Variants in CD247 observed in about 807,000 individuals in gnomAD.
The protein encoded by CD247 is T-cell surface glycoprotein CD3 zeta chain.
CD247 carries 13 observed loss-of-function variants against 30.0 expected under a neutral mutation model. The ratio of observed to expected loss-of-function variants is 0.43; its 90% CI spans 0.28 to 0.69. The LOEUF (loss-of-function observed/expected upper bound fraction) is 0.69. Ranked by LOEUF, CD247 falls within the 30% of genes least tolerant of loss-of-function variation. CD247 has a pLI of 0.16. For missense variants in CD247, 193 were observed against 212.6 expected, an observed-to-expected ratio of 0.91 and a Z score of 0.57; for synonymous variants, 72 against 80.0, an observed-to-expected ratio of 0.90 and a Z score of 0.53.
intron 1 of CD247, among the ~76,000 whole-genome samples, chr1:167,467,471 C>A (rs1653307854): frequency 6.6e-6 from 1 of 152,196 alleles, no homozygotes; most frequent in African/African-American, 2.4e-5. Flanking sequence ...TACTTTCCAG[C>A]CTGCTTCTTT....
At chr1:167,439,711 GC>G in intron 2 of CD247, 1 of 425,732 alleles carries the variant, frequency 2.3e-6, no homozygotes. Flanking sequence ...CTTGGTCTGC[GC>G]CCCCGGGGAC....
intron 1 of CD247, among the ~76,000 whole-genome samples, chr1:167,498,065 T>C (rs996298614): frequency 6.6e-6 from 1 of 152,182 alleles, no homozygotes; most frequent in Non-Finnish European, 1.5e-5. Context: ...AGCTTGATCT[T>C]GGGGACCCTG....
At chr1:167,508,421 C>G (rs61806166) in intron 1 of CD247, among the ~76,000 whole-genome samples, 3,354 of 152,154 alleles carry the variant, frequency 0.022, 60 homozygotes, top group Non-Finnish European at 0.035. Flanking sequence ...GATGGGTGAG[C>G]GATGGTGGAT....
chr1:167,453,209 T>A (rs778057024), intron 1 of CD247, among the ~76,000 whole-genome samples: 7 of 152,126 alleles, frequency 4.6e-5, no homozygotes, highest in Admixed American at 6.5e-5. Flanking sequence ...TTTATATTTT[T>A]TATTTCATTT....
In CD247 at chr1:167,430,903, A is replaced by T; in HGVS notation, c.*778T>A. 1 of 398,846 alleles carries T rather than the reference A, an allele frequency of 2.5e-6. No individual in the cohort carries two copies. Among genetic ancestry groups the T allele is most frequent in the Non-Finnish European group, 4.4e-6 (1 of 226,222 alleles). 24.7% of individuals were successfully genotyped at this position (398,846 alleles called of 1,614,324 possible). On this transcript the variant is annotated 3_prime_UTR_variant, in exon 8 of 8. Coordinates refer to ENST00000362089, the MANE Select transcript of CD247 (RefSeq NM_198053.3). Reference sequence around the variant, plus strand: ...GTCATTCGCTGAAAGCGTGAAGTGAATCAACGGCCTCCTCTTGCTCCGCAG... The same window carrying T: ...GTCATTCGCTGAAAGCGTGAAGTGATTCAACGGCCTCCTCTTGCTCCGCAG...
chr1:167,516,053 C>A (rs2102127407), intron 1 of CD247, among the ~76,000 whole-genome samples: 1 of 152,328 alleles, frequency 6.6e-6, no homozygotes, highest in South Asian at 2.1e-4. Context: ...ACTGGGACAC[C>A]ACCTGAAATT....
intron 1 of CD247, among the ~76,000 whole-genome samples, chr1:167,448,735 C>G (rs1244006330): frequency 6.6e-6 from 1 of 152,154 alleles, no homozygotes; most frequent in Non-Finnish European, 1.5e-5. Context: ...GTGGCGGGCG[C>G]CTGTAATACC....
chr1:167,450,738 C>A (rs1343379234), intron 1 of CD247, among the ~76,000 whole-genome samples: 1 of 151,774 alleles, frequency 6.6e-6, no homozygotes, highest in African/African-American at 2.4e-5. Flanking sequence ...TATGGTAAAA[C>A]CCCATCTCTA....
intron 1 of CD247, among the ~76,000 whole-genome samples, chr1:167,468,950 A>G (rs1011520103): frequency 1.3e-5 from 2 of 151,680 alleles, no homozygotes; most frequent in Admixed American, 6.6e-5. Flanking sequence ...AGAAGAGCAA[A>G]CTGCAATAAA....
rs150979992 is a variant in CD247 at position 167,443,824 on chromosome 1, A to G, written c.59-3057T>C. On this transcript the variant is annotated intron_variant, in intron 1 of 7. Coordinates refer to ENST00000362089, the MANE Select transcript of CD247 (RefSeq NM_198053.3). ...GGTGGAGGAGAGGATATTAACCCCA[A>G]CATAATTCCCTGTGTAGGACCCTCC... Among the ~76,000 whole-genome samples, 19 of 152,218 alleles carry G rather than the reference A, an allele frequency of 1.2e-4. No homozygotes were observed. In the East Asian group the frequency reaches 3.1e-3, roughly 25 times the overall value.
Position 167,481,865 on chromosome 1 carries a change from C to T in CD247, c.58+36543G>A, listed in dbSNP as rs150260853. Among the ~76,000 whole-genome samples the T allele has an allele frequency of 3.2e-3, 481 of 152,216 alleles. 4 individuals are homozygous for T. Among genetic ancestry groups the T allele is most frequent in the Non-Finnish European group, 3.9e-3 (265 of 68,004 alleles). On this transcript the variant is annotated intron_variant, in intron 1 of 7. Coordinates refer to ENST00000362089, the MANE Select transcript of CD247 (RefSeq NM_198053.3). ...CATTTCAAAGGGGACACACTGAGGC[C>T]CAGGGCAGGCAGCGATGGAACCCAA...
intron 1 of CD247, among the ~76,000 whole-genome samples, chr1:167,452,794 C>T (rs1015790409): frequency 4.0e-5 from 6 of 151,844 alleles, no homozygotes; most frequent in South Asian, 2.1e-4. Flanking sequence ...CAGTTCCCTC[C>T]GCTCATTCCA....
intron 1 of CD247, among the ~76,000 whole-genome samples, chr1:167,490,478 C>T (rs1271918531): frequency 2.0e-5 from 3 of 152,038 alleles, no homozygotes; most frequent in Non-Finnish European, 2.9e-5. Context: ...CAAAAATTAG[C>T]TGGGCTTGGT....
intron 1 of CD247, among the ~76,000 whole-genome samples, chr1:167,474,368 C>T (rs530278413): frequency 3.3e-5 from 5 of 151,854 alleles, no homozygotes; most frequent in South Asian, 4.2e-4. Flanking sequence ...GGGAGGGTAG[C>T]GGTAGTGGGG....
rs1651268987 is a variant in CD247 at position 167,431,619 on chromosome 1, C to T, written c.*62G>A. ...GTGAACCGGGTTGTAAATGCTTCAT[C>T]CTGTGTCTCATAATCTGGGCGTCTG... On this transcript the variant is annotated 3_prime_UTR_variant, in exon 8 of 8. Coordinates refer to ENST00000362089, the MANE Select transcript of CD247 (RefSeq NM_198053.3). 7.5e-7 allele frequency: 1 copy of T among 1,329,506 alleles called. No homozygotes were observed. 82.4% of individuals were successfully genotyped at this position (1,329,506 alleles called of 1,614,324 possible).
At chr1:167,486,822 C>T (rs201637292) in intron 1 of CD247, among the ~76,000 whole-genome samples, 2 of 152,292 alleles carry the variant, frequency 1.3e-5, no homozygotes, top group East Asian at 3.9e-4. Flanking sequence ...CTATGTAATC[C>T]CAGCACTTTG....
At chr1:167,440,997 C>T (rs1191946917) in intron 1 of CD247, among the ~76,000 whole-genome samples, 1 of 152,158 alleles carries the variant, frequency 6.6e-6, no homozygotes, top group Non-Finnish European at 1.5e-5. Context: ...GGCCAAAGAA[C>T]CTGGGGCAAT....
chr1:167,446,625 T>C (rs1236133129), intron 1 of CD247, among the ~76,000 whole-genome samples: 6 of 152,112 alleles, frequency 3.9e-5, no homozygotes, highest in Admixed American at 6.5e-5. Context: ...CATGCCACGG[T>C]TGGGGACAGA....
At chr1:167,482,403 C>A (rs914029355) in intron 1 of CD247, among the ~76,000 whole-genome samples, 1 of 152,236 alleles carries the variant, frequency 6.6e-6, no homozygotes, top group South Asian at 2.1e-4. Context: ...CAGGGCTTTG[C>A]CTGGGTTTGT....
Sources: allele counts gnomAD v4.1 joint callset (sites outside exome capture counted in the v4.1 genomes callset), GRCh38; gene constraint gnomAD v4.1.1; transcripts MANE v1.5; gene names NCBI Gene and HGNC (gene_info 2026-07-23, HGNC 2026-07-21).